PIEZO1: variants seen among roughly 807,000 people sequenced by gnomAD.
PIEZO1 encodes the protein piezo type mechanosensitive ion channel component 1 (Er blood group).
In PIEZO1, 296 loss-of-function variants were observed where a neutral mutation model predicts 297.2. The observed-to-expected ratio is 1.00, with a 90% CI of 0.91 to 1.10. The LOEUF (loss-of-function observed/expected upper bound fraction) is 1.10. PIEZO1 is among the 50% of genes least tolerant of loss of function. The pLI is 0.00. For missense variants in PIEZO1, 5,018 were observed against 3,455.5 expected (o/e 1.45, Z -11.34); for synonymous variants, 2,427 against 1,507.5 (o/e 1.61, Z -14.13).
chr16:88,775,534 G>A (rs1907617290), intron 1 of PIEZO1, among the ~76,000 whole-genome samples: 1 of 152,134 alleles, frequency 6.6e-6, no homozygotes, highest in Admixed American at 6.5e-5. Context: ...TTTGAGACCA[G>A]CCTGGCCAAA....
At position 88,732,720 on chromosome 16, in the gene PIEZO1, TG is replaced by T; in HGVS notation, c.2676del (p.Asn892LysfsTer110). ...ATCTCCGTGGGCAGCAAGTTGGTGC[TG>T]TTGGGGAAGGGCTGGCAAGAGGCCA... Reference protein sequence around the residue: ...YSSNCTEPFPNSTNLLPTEIS... With the variant: ...YSSNCTEPFPXSTNLLPTEIS... On this transcript the variant is annotated frameshift_variant, in exon 20 of 51. Coordinates refer to ENST00000301015, the MANE Select transcript of PIEZO1 (RefSeq NM_001142864.4). LOFTEE classifies it high-confidence loss of function. The T allele has an allele frequency of 1.9e-6, 3 of 1,547,512 alleles. No individual in the cohort carries two copies. The highest frequency in any genetic ancestry group is 2.6e-6 in the Non-Finnish European group (3 of 1,145,330).
At position 88,722,572 on chromosome 16, in the gene PIEZO1, C is replaced by T. The variant is rs190932489; in HGVS notation, c.4775+11G>A. ...GGCAGCAGCTGGGGCTCGGGTCACC[C>T]CCGCACCTACCTGGACACGGTGCTT... On this transcript the variant is annotated intron_variant, in intron 35 of 50. Transcript: ENST00000301015. The T allele has an allele frequency of 6.3e-5, 96 of 1,518,542 alleles. No homozygotes were observed. Among genetic ancestry groups the T allele is most frequent in the African/African-American group, 1.2e-4 (9 of 72,482 alleles). The allele number at this position is 1,518,542 out of a possible 1,614,324, so 94.1% of individuals were successfully genotyped here. A position where few individuals can be genotyped will look rare whatever the true frequency, so the allele number is the denominator to read the frequency against.
rs1912480491 is a variant in PIEZO1 at position 88,721,836 on chromosome 16, A to T, written c.5186T>A (p.Phe1729Tyr). Residue 1729 changes from phenylalanine (F) to tyrosine (Y), a missense_variant, in exon 37 of 51, where the codon TTC becomes TAC. Physicochemically the swap from Phe to Tyr is conservative, Grantham distance 22 (BLOSUM62 3). Coordinates refer to ENST00000301015, the MANE Select transcript of PIEZO1 (RefSeq NM_001142864.4). ...MLSIPRPSKR[F>Y]WMTAIVFTEI... Reference sequence around the variant, plus strand: ...GGTGAAGACGATGGCCGTCATCCAGAAGCGCTTGCTGGGCCTCGGGATCGA... The same window carrying T: ...GGTGAAGACGATGGCCGTCATCCAGTAGCGCTTGCTGGGCCTCGGGATCGA... 1 of 1,548,628 alleles carries T rather than the reference A, an allele frequency of 6.5e-7. No homozygotes were observed. The highest frequency in any genetic ancestry group is 2.4e-5 in the East Asian group (1 of 40,888).
intron 1 of PIEZO1, among the ~76,000 whole-genome samples, chr16:88,782,951 A>T (rs1408035783): frequency 1.3e-5 from 2 of 152,242 alleles, no homozygotes; most frequent in African/African-American, 2.4e-5. Context: ...CCCCAGACAC[A>T]GAATCAGTGT....
intron 2 of PIEZO1, chr16:88,743,260 A>G (rs1905813542): frequency 2.2e-6 from 1 of 456,444 alleles, no homozygotes; most frequent in African/African-American, 2.0e-5. Flanking sequence ...CTCGGCGCAC[A>G]TGTGGACAGC....
intron 31 of PIEZO1, among the ~76,000 whole-genome samples, 191 bp from the exon 32 acceptor site, chr16:88,723,519 G>A (rs185659354): frequency 6.6e-6 from 1 of 152,232 alleles, no homozygotes; most frequent in East Asian, 1.9e-4. Flanking sequence ...CCATTCAGGA[G>A]TTGGGTGGGC....
intron 34 of PIEZO1, 70 bp downstream of exon 34, chr16:88,722,767 C>G: frequency 6.5e-7 from 1 of 1,530,176 alleles, no homozygotes; most frequent in South Asian, 1.2e-5. Flanking sequence ...GGGCGCGGGA[C>G]TAGGCTGTTA....
In PIEZO1 at chr16:88,785,055, G is replaced by A. The variant is rs1053470715; in HGVS notation, c.-91C>T. On this transcript the variant is annotated 5_prime_UTR_variant, in exon 1 of 51. Coordinates refer to ENST00000301015, the MANE Select transcript of PIEZO1 (RefSeq NM_001142864.4). ...GCCCCGGGGCCGGCGCGCCATGGCT[G>A]ACCCGCGGGGACCCGCGCGCCGCCT... The A allele has an allele frequency of 4.2e-5, 28 of 661,716 alleles. No individual in the cohort carries two copies. Among genetic ancestry groups the A allele is most frequent in the African/African-American group, 4.0e-4 (21 of 52,272 alleles). The allele number at this position is 661,716 out of a possible 1,614,324, so 41.0% of individuals were successfully genotyped here. A position where few individuals can be genotyped will look rare whatever the true frequency, so the allele number is the denominator to read the frequency against.
chr16:88,720,475 C>T lies in PIEZO1; in HGVS notation c.5859G>A (p.Lys1953=). The T allele has an allele frequency of 6.4e-7, 1 of 1,550,444 alleles. No homozygotes were observed. The highest frequency in any genetic ancestry group is 2.0e-5 in the Admixed American group (1 of 51,006). ...CATAGACGTCGGTGGCTGCGCGGTACTTGGTGTGCAGGATGTCGTGGAAGA... is the reference window on the plus strand; with the variant it reads ...CATAGACGTCGGTGGCTGCGCGGTATTTGGTGTGCAGGATGTCGTGGAAGA... ...RRFFHDILHT[K]YRAATDVYAL... Residue 1953 remains lysine (K), a synonymous_variant, in exon 41 of 51, where the codon AAG becomes AAA. Coordinates refer to ENST00000301015, the MANE Select transcript of PIEZO1 (RefSeq NM_001142864.4).
At chr16:88,747,166 G>A (rs760426123) in intron 2 of PIEZO1, among the ~76,000 whole-genome samples, 3 of 152,018 alleles carry the variant, frequency 2.0e-5, no homozygotes, top group Admixed American at 6.6e-5. Flanking sequence ...AGGAGGTGGA[G>A]GCTGCAGTGA....
chr16:88,726,219 A>G, intron 27 of PIEZO1, 65 bp downstream of exon 27: 3 of 1,361,930 alleles, frequency 2.2e-6, no homozygotes, highest in Non-Finnish European at 3.0e-6. Context: ...ACAGTGAGGA[A>G]CCTCCCATTG....
At chr16:88,758,551 C>T (rs1906779971) in intron 1 of PIEZO1, among the ~76,000 whole-genome samples, 1 of 152,232 alleles carries the variant, frequency 6.6e-6, no homozygotes, top group South Asian at 2.1e-4. Flanking sequence ...ACCCACTGCC[C>T]CCACTCCACA....
intron 1 of PIEZO1, among the ~76,000 whole-genome samples, chr16:88,776,599 G>A (rs1039967704): frequency 6.6e-6 from 1 of 152,200 alleles, no homozygotes; most frequent in East Asian, 1.9e-4. Flanking sequence ...TGTGCTCAGG[G>A]CATCTGGGGA....
At chr16:88,725,131 G>A (rs1408127501) in intron 29 of PIEZO1, 51 bp from the exon 30 acceptor site, 4 of 1,319,578 alleles carry the variant, frequency 3.0e-6, no homozygotes, top group East Asian at 2.7e-5. Context: ...ACCAGGAGGG[G>A]TCGGGGCTGT....
chr16:88,715,885 G>T, intron 50 of PIEZO1, 31 bp from the exon 51 acceptor site: 2 of 1,545,046 alleles, frequency 1.3e-6, no homozygotes, highest in Non-Finnish European at 1.7e-6. Context: ...TCCTGGGGCC[G>T]CCCGGAGCCC....
intron 1 of PIEZO1, among the ~76,000 whole-genome samples, chr16:88,753,873 G>A (rs568611428): frequency 1.8e-4 from 28 of 152,304 alleles, no homozygotes; most frequent in African/African-American, 4.8e-4. Context: ...CGGAAGCTTC[G>A]CAGATCAGGC....
chr16:88,722,571 C>T lies in PIEZO1; in HGVS notation c.4775+12G>A. The T allele has an allele frequency of 6.6e-7, 1 of 1,517,974 alleles. No individual in the cohort carries two copies. Among genetic ancestry groups the T allele is most frequent in the Non-Finnish European group, 8.8e-7 (1 of 1,131,890 alleles). The allele number at this position is 1,517,974 out of a possible 1,614,324, so 94.0% of individuals were successfully genotyped here. On this transcript the variant is annotated intron_variant, in intron 35 of 50. Coordinates refer to ENST00000301015, the MANE Select transcript of PIEZO1 (RefSeq NM_001142864.4). ...GGGCAGCAGCTGGGGCTCGGGTCAC[C>T]CCCGCACCTACCTGGACACGGTGCT...
rs900073480 is a variant in PIEZO1, at chr16:88,735,226, G to A, written c.1578C>T (p.Phe526=). The A allele has an allele frequency of 3.9e-6, 6 of 1,550,352 alleles. No homozygotes were observed. In the Admixed American group the frequency reaches 1.2e-4, roughly 30 times the overall value. ...TCACAAACTGGCGCAGCAGGAGCCA[G>A]AAGGTCAGGGTGTAGAGCAACTGTG... ...LGAMLLYTLT[F]WLLLRQFVKE... Residue 526 remains phenylalanine (F), a synonymous_variant, in exon 13 of 51, where the codon TTC becomes TTT. Transcript: ENST00000301015.
chr16:88,760,369 A>G (rs1325419851), intron 1 of PIEZO1, among the ~76,000 whole-genome samples: 1 of 152,244 alleles, frequency 6.6e-6, no homozygotes, highest in Non-Finnish European at 1.5e-5. Context: ...AGCCCAGTCT[A>G]TACTCTCTGT....
Sources: gnomAD v4.1 joint callset for allele counts (sites outside exome capture counted in the v4.1 genomes callset) on GRCh38, gnomAD v4.1.1 for gene constraint, MANE v1.5 for transcripts, NCBI Gene and HGNC (gene_info 2026-07-23, HGNC 2026-07-21) for gene names.